The following RBM20 variants were observed in gnomAD, a reference collection of about 807,000 sequenced individuals.
RBM20 encodes the protein RNA binding motif protein 20, also known as RNA-binding protein 20.
RBM20 carries 51 observed loss-of-function variants against 110.1 expected under a neutral mutation model. The observed-to-expected ratio is 0.46, with a 90% confidence interval of 0.37 to 0.59. RBM20 has a LOEUF of 0.59. Ranked by LOEUF, RBM20 falls within the 20% of genes least tolerant of loss-of-function variation. The pLI, the probability that RBM20 is intolerant of heterozygous loss-of-function variation, is 0.00. For missense variants in RBM20, 1,512 were observed against 1,574.9 expected (o/e 0.96, Z 0.68); for synonymous variants, 589 against 618.2 (o/e 0.95, Z 0.70).
chr10:110,724,522 G>A (rs1213990563), intron 1 of RBM20, among the ~76,000 whole-genome samples: 1 of 152,122 alleles, frequency 6.6e-6, no homozygotes, highest in African/African-American at 2.4e-5. Context: ...AGGAACCATT[G>A]ACTTGAATCA....
intron 1 of RBM20, among the ~76,000 whole-genome samples, chr10:110,737,755 C>T (rs781607269): frequency 2.2e-4 from 33 of 152,204 alleles, no homozygotes; most frequent in South Asian, 1.7e-3. Context: ...TTAGTGTTCG[C>T]GGCTGTGTAG....
rs2135148449 is a variant in RBM20, at chr10:110,836,035, G to A, written c.*57G>A. 1.4e-6 allele frequency: 1 copy of A among 710,586 alleles called. No homozygotes were observed. The highest frequency in any genetic ancestry group is 2.5e-5 in the Admixed American group (1 of 39,710). 44.0% of individuals were successfully genotyped at this position (710,586 alleles called of 1,614,324 possible). ...GCAAGGTTGGAAAGGAGAGCTTGCT[G>A]AAGTGGGGCCTTCCTGATTCTGGGG... On this transcript the variant is annotated 3_prime_UTR_variant, in exon 14 of 14. Transcript: ENST00000369519.
rs1057521461 is a variant in RBM20 at position 110,797,660 on chromosome 10, T to G, written c.1668+12T>G. ...AGTCGACTAATCAGGTAGGTCTGGGTACTTTCACTCCAGTGTATATGCCAC... is the reference window on the plus strand; with the variant it reads ...AGTCGACTAATCAGGTAGGTCTGGGGACTTTCACTCCAGTGTATATGCCAC... On this transcript the variant is annotated intron_variant, in intron 6 of 13. Coordinates refer to ENST00000369519, the MANE Select transcript of RBM20 (RefSeq NM_001134363.3). 3 of 1,551,344 alleles carry G rather than the reference T, an allele frequency of 1.9e-6. No individual in the cohort carries two copies. Among genetic ancestry groups the G allele is most frequent in the African/African-American group, 1.4e-5 (1 of 73,040 alleles).
rs377541985 is a variant in RBM20, at chr10:110,747,299, G to A, written c.192-33502G>A. On this transcript the variant is annotated intron_variant, in intron 1 of 13. Coordinates refer to ENST00000369519, the MANE Select transcript of RBM20 (RefSeq NM_001134363.3). ...TTGATTTTAAAAACTCTTTTTTTGG[G>A]GGGGGGGGTCATTCTGGCAGGGTAG... is the stretch of plus-strand genomic sequence containing the variant. Among the ~76,000 whole-genome samples, 334 of 150,852 alleles carry A rather than the reference G, an allele frequency of 2.2e-3. 1 individual carries two copies. The highest frequency in any genetic ancestry group is 7.5e-3 in the African/African-American group (306 of 41,032).
chr10:110,745,543 G>A lies in RBM20; in HGVS notation c.192-35258G>A, dbSNP rs920789478. Among the ~76,000 whole-genome samples the A allele has an allele frequency of 2.7e-5, 4 of 150,942 alleles. No homozygotes were observed. In the Middle Eastern group the frequency reaches 0.01, roughly 385 times the overall value. ...TAAATTCTCCAAGGGATTTGGAGTGGTTTCTCTTTTCTTTATTGGGTCCTG... is the reference window on the plus strand; with the variant it reads ...TAAATTCTCCAAGGGATTTGGAGTGATTTCTCTTTTCTTTATTGGGTCCTG... On this transcript the variant is annotated intron_variant, in intron 1 of 13. Transcript: ENST00000369519.
In RBM20 at chr10:110,812,281, T is replaced by C. The variant is rs1203046450; in HGVS notation, c.1884T>C (p.Tyr628=). 2 of 1,542,006 alleles carry C rather than the reference T, an allele frequency of 1.3e-6. No homozygotes were observed. Among genetic ancestry groups the C allele is most frequent in the African/African-American group, 1.4e-5 (1 of 72,888 alleles). The change falls in exon 9 of 14, where the codon TAT becomes TAC. Residue 628 remains tyrosine, a synonymous_variant. Transcript: ENST00000369519. The stretch of plus-strand genomic sequence containing the variant: ...CTGCTCCTTGGCTCCCTCACAGATA[T>C]GGCCCAGAAAGGCCGCGGTCTCGTA... ...ERDMFREADR[Y]GPERPRSRSP...
chr10:110,737,507 T>A (rs374506155), intron 1 of RBM20, among the ~76,000 whole-genome samples: 19 of 152,252 alleles, frequency 1.2e-4, no homozygotes, highest in East Asian at 1.2e-3. Context: ...TGCATCCAGA[T>A]CAAGAAACAG....
At chr10:110,754,281 T>G (rs1353611956) in intron 1 of RBM20, among the ~76,000 whole-genome samples, 1 of 152,264 alleles carries the variant, frequency 6.6e-6, no homozygotes. Flanking sequence ...CTCTTGGTTT[T>G]AATCACTGTG....
chr10:110,825,376 G>A (rs1332741655), intron 12 of RBM20, among the ~76,000 whole-genome samples: 1 of 152,140 alleles, frequency 6.6e-6, no homozygotes, highest in African/African-American at 2.4e-5. Flanking sequence ...TGTAATTTGT[G>A]TTTTACTACT....
chr10:110,780,620 G>GTT (rs34363441), intron 1 of RBM20, among the ~76,000 whole-genome samples, 181 bp from the exon 2 acceptor site: 1 of 140,868 alleles, frequency 7.1e-6, no homozygotes, highest in Non-Finnish European at 1.5e-5. Flanking sequence ...TTCCATTGGA[G>GTT]TTTTTTTTTT....
intron 1 of RBM20, among the ~76,000 whole-genome samples, chr10:110,698,368 G>C (rs1862702163): frequency 6.6e-6 from 1 of 152,210 alleles, no homozygotes; most frequent in Non-Finnish European, 1.5e-5. Context: ...GGAAAAAGAG[G>C]CTGTGATGGC....
At chr10:110,773,860 T>G (rs1844225396) in intron 1 of RBM20, among the ~76,000 whole-genome samples, 1 of 152,176 alleles carries the variant, frequency 6.6e-6, no homozygotes, top group Non-Finnish European at 1.5e-5. Flanking sequence ...GTGCTCTGCC[T>G]GATAAGCGAC....
At chr10:110,665,489 C>T (rs1457676791) in intron 1 of RBM20, among the ~76,000 whole-genome samples, 1 of 152,124 alleles carries the variant, frequency 6.6e-6, no homozygotes, top group African/African-American at 2.4e-5. Context: ...TGCTGCAGGC[C>T]TGGTTTCCTT....
intron 1 of RBM20, among the ~76,000 whole-genome samples, chr10:110,725,748 C>T (rs1380519714): frequency 6.6e-6 from 1 of 152,176 alleles, no homozygotes; most frequent in African/African-American, 2.4e-5. Context: ...AAAGCTATTG[C>T]GGGGAGGCAG....
At chr10:110,824,552 A>AT (rs1161083751) in intron 12 of RBM20, among the ~76,000 whole-genome samples, 22 of 152,096 alleles carry the variant, frequency 1.4e-4, no homozygotes, top group African/African-American at 4.1e-4. Flanking sequence ...TTAGACAGCG[A>AT]TTTTTTCAAT....
intron 9 of RBM20, among the ~76,000 whole-genome samples, chr10:110,813,703 T>G (rs1433615793): frequency 6.6e-6 from 1 of 151,970 alleles, no homozygotes; most frequent in Non-Finnish European, 1.5e-5. Flanking sequence ...GGCAAGGTGG[T>G]GCACCCCTGT....
intron 1 of RBM20, among the ~76,000 whole-genome samples, chr10:110,672,059 C>T (rs1394564193): frequency 1.4e-5 from 2 of 142,982 alleles, no homozygotes; most frequent in African/African-American, 4.9e-5. Context: ...CTATTAGGGA[C>T]TCTTCTTCCT....
intron 1 of RBM20, among the ~76,000 whole-genome samples, chr10:110,759,093 G>A (rs1442700220): frequency 1.3e-5 from 2 of 152,244 alleles, no homozygotes; most frequent in African/African-American, 2.4e-5. Flanking sequence ...CACAACTCTT[G>A]ACTGGTTTCC....
intron 1 of RBM20, among the ~76,000 whole-genome samples, chr10:110,672,479 T>C (rs1372018836): frequency 6.6e-6 from 1 of 152,216 alleles, no homozygotes; most frequent in African/African-American, 2.4e-5. Flanking sequence ...GCTGCTGCCG[T>C]CCTCCCTCGC....
Sources: gnomAD v4.1 joint callset for allele counts (sites outside exome capture counted in the v4.1 genomes callset) on GRCh38, gnomAD v4.1.1 for gene constraint, MANE v1.5 for transcripts, NCBI Gene and HGNC (gene_info 2026-07-23, HGNC 2026-07-21) for gene names.